Variants in HMGN5 observed in about 807,000 individuals in gnomAD.
HMGN5 encodes high mobility group nucleosome-binding domain-containing protein 5.
A neutral mutation model predicts 9.5 loss-of-function variants in HMGN5; 4 were observed. The observed-to-expected ratio is 0.42, with a 90% CI of 0.21 to 0.96. The LOEUF is 0.96. HMGN5 is among the 40% of genes least tolerant of loss of function. The pLI is 0.30. For synonymous variants in HMGN5, 55 were observed against 57.1 expected, an observed-to-expected ratio of 0.96 and a Z score of 0.16; for missense variants, 192 against 187.5, an observed-to-expected ratio of 1.02 and a Z score of -0.14.
At chrX:81,123,955 G>A (rs1190835690) in intron 1 of HMGN5, among the ~76,000 whole-genome samples, 1 of 111,898 alleles carries the variant, frequency 8.9e-6, no homozygotes, top group Non-Finnish European at 1.9e-5. Context: ...GGCAGGAAAA[G>A]GTTGTACTTG....
At chrX:81,141,490 GAA>G (rs61581254) in intron 1 of HMGN5, among the ~76,000 whole-genome samples, 8 of 105,614 alleles carry the variant, frequency 7.6e-5, no homozygotes, top group African/African-American at 2.4e-4. Flanking sequence ...GAGAGAGAGA[GAA>G]AGAGAGAGAG....
At chrX:81,138,784 A>T (rs1244828154) in intron 1 of HMGN5, among the ~76,000 whole-genome samples, 2 of 112,224 alleles carry the variant, frequency 1.8e-5, no homozygotes, top group Admixed American at 1.9e-4. Context: ...GTGTTCAGTA[A>T]GTTTGGAAGA....
At chrX:81,134,695 G>T (rs2075306801) in intron 1 of HMGN5, among the ~76,000 whole-genome samples, 1 of 111,315 alleles carries the variant, frequency 9.0e-6, no homozygotes, top group Non-Finnish European at 1.9e-5. Context: ...TAAAAATAAA[G>T]TTGAAGGACT....
chrX:81,119,950 A>T (rs1232343527), intron 2 of HMGN5, 133 bp from the exon 3 acceptor site: 1 of 561,782 alleles, frequency 1.8e-6, no homozygotes. Flanking sequence ...TCAAGTAGAC[A>T]CGTGTTGTTT....
At chrX:81,171,789 TCACTACATTCCAATCACAC>T (rs2075426490) in intron 1 of HMGN5, among the ~76,000 whole-genome samples, 2 of 111,451 alleles carry the variant, frequency 1.8e-5, no homozygotes, top group Admixed American at 1.9e-4. Flanking sequence ...CAACCCTTGA[TCACTACATTCCAATCACAC>T]TGGTTCAGGG....
chrX:81,152,149 C>G (rs1318565113), intron 1 of HMGN5, among the ~76,000 whole-genome samples: 1 of 111,640 alleles, frequency 9.0e-6, no homozygotes, highest in Non-Finnish European at 1.9e-5. Flanking sequence ...CAAATGGGAT[C>G]TAATTAAACT....
intron 1 of HMGN5, among the ~76,000 whole-genome samples, chrX:81,170,856 A>G (rs913322135): frequency 2.7e-5 from 3 of 110,940 alleles, no homozygotes; most frequent in Non-Finnish European, 5.7e-5. Flanking sequence ...GCAACCCTGC[A>G]CATTAGGTAC....
At chrX:81,168,510 G>C (rs1432642480) in intron 1 of HMGN5, among the ~76,000 whole-genome samples, 1 of 111,554 alleles carries the variant, frequency 9.0e-6, no homozygotes, top group Non-Finnish European at 1.9e-5. Context: ...TAGCATGTGG[G>C]TAAGTGAAGT....
intron 3 of HMGN5, 147 bp from the exon 4 acceptor site, chrX:81,118,906 T>G (rs1000852073): frequency 4.5e-5 from 19 of 424,511 alleles, no homozygotes; most frequent in Admixed American, 9.6e-5. Flanking sequence ...ACAAGAGAAA[T>G]ATAAGTTTTG....
Position 81,187,277 on chromosome X carries a change from C to T in HMGN5, c.-124+14460G>A, listed in dbSNP as rs751618288. ...TGATTTTCTTTCTGGAAGAGCTGTC[C>T]AATGCTGAAAGTCGGGTGTTTGATG... On this transcript the variant is annotated intron_variant, in intron 1 of 6. Coordinates refer to ENST00000358130, the MANE Select transcript of HMGN5 (RefSeq NM_030763.3). Among the ~76,000 whole-genome samples the T allele has an allele frequency of 1.9e-3, 211 of 111,223 alleles. 1 individual carries two copies. The highest frequency in any genetic ancestry group is 3.1e-3 in the Non-Finnish European group (163 of 53,003).
intron 3 of HMGN5, among the ~76,000 whole-genome samples, chrX:81,119,502 A>G (rs777546568): frequency 8.9e-6 from 1 of 112,140 alleles, no homozygotes; most frequent in East Asian, 2.8e-4. Flanking sequence ...CTAACCCACA[A>G]AACACCCAAA....
intron 1 of HMGN5, among the ~76,000 whole-genome samples, chrX:81,174,758 TAATA>T (rs1373491179): frequency 1.8e-5 from 2 of 111,734 alleles, no homozygotes; most frequent in African/African-American, 6.5e-5. Flanking sequence ...GCTTGCCATA[TAATA>T]AATAATTTAA....
chrX:81,163,303 C>A (rs1273131109), intron 1 of HMGN5, among the ~76,000 whole-genome samples: 2 of 112,314 alleles, frequency 1.8e-5, no homozygotes, highest in African/African-American at 6.5e-5. Context: ...CACAAACAAT[C>A]CATCCCTGCT....
At chrX:81,129,762 C>T (rs751404292) in intron 1 of HMGN5, among the ~76,000 whole-genome samples, 37 of 111,011 alleles carry the variant, frequency 3.3e-4, no homozygotes, top group Admixed American at 2.7e-3. Flanking sequence ...AGTGTCTTGG[C>T]GGCATAGAAC....
At chrX:81,143,809 G>T (rs180705369) in intron 1 of HMGN5, among the ~76,000 whole-genome samples, 243 of 112,049 alleles carry the variant, frequency 2.2e-3, no homozygotes, top group African/African-American at 5.1e-3. Flanking sequence ...CAAGCTTGGT[G>T]GGGGGAGGAG....
chrX:81,188,263 A>ATAATATTATTAT (rs1556055045), intron 1 of HMGN5, among the ~76,000 whole-genome samples: 1 of 86,975 alleles, frequency 1.1e-5, no homozygotes, highest in Non-Finnish European at 2.2e-5. Context: ...TGTGCACAGA[A>ATAATATTATTAT]TATTATTATT....
chrX:81,159,072 T>C (rs769854099), intron 1 of HMGN5, among the ~76,000 whole-genome samples: 6 of 111,683 alleles, frequency 5.4e-5, no homozygotes, highest in Non-Finnish European at 1.1e-4. Context: ...AATGAGACCA[T>C]GTTCTTTGCT....
At chrX:81,173,283 GTATC>G (rs2075431828) in intron 1 of HMGN5, among the ~76,000 whole-genome samples, 1 of 110,965 alleles carries the variant, frequency 9.0e-6, no homozygotes, top group Non-Finnish European at 1.9e-5. Flanking sequence ...GAAAGGTAGA[GTATC>G]TATAGTATAC....
At chrX:81,139,036 C>A (rs749755372) in intron 1 of HMGN5, among the ~76,000 whole-genome samples, 2 of 112,034 alleles carry the variant, frequency 1.8e-5, no homozygotes, top group Non-Finnish European at 3.8e-5. Context: ...TAAAAGATGT[C>A]AATTCTCTCT....
Sources: allele counts gnomAD v4.1 joint callset (sites outside exome capture counted in the v4.1 genomes callset), GRCh38; gene constraint gnomAD v4.1.1; transcripts MANE v1.5; gene names NCBI Gene and HGNC (gene_info 2026-07-23, HGNC 2026-07-21).